Variants in LRRC8D observed in about 807,000 individuals in gnomAD.
The protein encoded by LRRC8D is leucine rich repeat containing 8 VRAC subunit D.
Under a neutral mutation model 55.8 loss-of-function variants are expected in LRRC8D, and 20 were observed. The observed-to-expected ratio is 0.36, with a 90% CI of 0.25 to 0.52. The LOEUF is 0.52. Ranked by LOEUF, LRRC8D falls within the 20% of genes least tolerant of loss-of-function variation. LRRC8D has a pLI of 0.93. For synonymous variants in LRRC8D, 352 were observed against 377.0 expected, an observed-to-expected ratio of 0.93 and a Z score of 0.77; for missense variants, 651 against 1,030.8, an observed-to-expected ratio of 0.63 and a Z score of 5.05.
Position 89,920,752 on chromosome 1 carries a change from C to G in LRRC8D, c.-2-12315C>G, listed in dbSNP as rs180918664. 1.2e-4 allele frequency among the ~76,000 whole-genome samples: 17 copies of G among 147,212 alleles called. 1 individual carries two copies. Among genetic ancestry groups the G allele is most frequent in the Admixed American group, 5.4e-4 (8 of 14,828 alleles). The stretch of plus-strand genomic sequence containing the variant: ...CCTTTTTCCCCTATTGCTTCTGAAG[C>G]ATTTTTTATTTTCTTTAACTGTATA... On this transcript the variant is annotated intron_variant, in intron 2 of 2. Coordinates refer to ENST00000337338, the MANE Select transcript of LRRC8D (RefSeq NM_001134479.2).
At chr1:89,874,861 T>A (rs1325178611) in intron 2 of LRRC8D, among the ~76,000 whole-genome samples, 1 of 152,244 alleles carries the variant, frequency 6.6e-6, no homozygotes, top group Non-Finnish European at 1.5e-5. Flanking sequence ...TGAGTGAGAA[T>A]GTTTATTCAT....
intron 1 of LRRC8D, among the ~76,000 whole-genome samples, chr1:89,823,243 G>A (rs1005505559): frequency 6.6e-6 from 1 of 152,080 alleles, no homozygotes; most frequent in Non-Finnish European, 1.5e-5. Flanking sequence ...AACACTTAAA[G>A]TATTGAGCCA....
intron 2 of LRRC8D, among the ~76,000 whole-genome samples, chr1:89,910,715 G>A (rs1312736975): frequency 6.6e-6 from 1 of 152,064 alleles, no homozygotes; most frequent in Non-Finnish European, 1.5e-5. Context: ...TTCAAAACCT[G>A]TTTTCTCTCA....
intron 2 of LRRC8D, among the ~76,000 whole-genome samples, chr1:89,874,193 G>A (rs2100830859): frequency 6.6e-6 from 1 of 152,256 alleles, no homozygotes; most frequent in East Asian, 1.9e-4. Flanking sequence ...ATCATAAAGG[G>A]AAAAACTAGG....
At chr1:89,857,332 A>G (rs911580229) in intron 2 of LRRC8D, among the ~76,000 whole-genome samples, 1 of 149,170 alleles carries the variant, frequency 6.7e-6, no homozygotes, top group Admixed American at 6.7e-5. Flanking sequence ...CGGTGAGCTG[A>G]GATCACACCA....
intron 2 of LRRC8D, among the ~76,000 whole-genome samples, chr1:89,892,495 A>G (rs1570864202): frequency 6.6e-6 from 1 of 152,066 alleles, no homozygotes; most frequent in East Asian, 1.9e-4. Flanking sequence ...TAAGGAATCT[A>G]CAGAACCGTC....
chr1:89,872,664 G>C (rs893845345), intron 2 of LRRC8D, among the ~76,000 whole-genome samples: 1 of 151,996 alleles, frequency 6.6e-6, no homozygotes, highest in Non-Finnish European at 1.5e-5. Flanking sequence ...CTTTGTTCTG[G>C]GTTCTCTCTG....
At chr1:89,870,896 G>A (rs1365804462) in intron 2 of LRRC8D, among the ~76,000 whole-genome samples, 1 of 152,180 alleles carries the variant, frequency 6.6e-6, no homozygotes. Context: ...AGCATTGTGG[G>A]CATTTTATTC....
At chr1:89,850,418 TCTTC>T (rs1661384057) in intron 2 of LRRC8D, among the ~76,000 whole-genome samples, 1 of 152,222 alleles carries the variant, frequency 6.6e-6, no homozygotes, top group Non-Finnish European at 1.5e-5. Context: ...TTCCTGATCC[TCTTC>T]CTTCTCCACT....
At chr1:89,899,012 G>C (rs1662782088) in intron 2 of LRRC8D, among the ~76,000 whole-genome samples, 1 of 152,152 alleles carries the variant, frequency 6.6e-6, no homozygotes, top group African/African-American at 2.4e-5. Flanking sequence ...TTCCAGTTGG[G>C]CTTTTCATCT....
chr1:89,917,119 A>G (rs1462967862), intron 2 of LRRC8D, among the ~76,000 whole-genome samples: 1 of 152,212 alleles, frequency 6.6e-6, no homozygotes, highest in African/African-American at 2.4e-5. Flanking sequence ...AATTAGCTCT[A>G]TAATAGAGAC....
chr1:89,894,282 C>A (rs1278752982), intron 2 of LRRC8D, among the ~76,000 whole-genome samples: 1 of 152,196 alleles, frequency 6.6e-6, no homozygotes, highest in Non-Finnish European at 1.5e-5. Flanking sequence ...ATTTAAGGCA[C>A]CCAGCCTGTG....
intron 2 of LRRC8D, among the ~76,000 whole-genome samples, chr1:89,932,168 A>G (rs1663719494): frequency 6.6e-6 from 1 of 152,180 alleles, no homozygotes; most frequent in South Asian, 2.1e-4. Context: ...CACATTTTCA[A>G]GTTTCCTGGC....
In LRRC8D at chr1:89,934,530, G is replaced by A; in HGVS notation, c.1462G>A (p.Asp488Asn). 3 of 1,614,156 alleles carry A rather than the reference G, an allele frequency of 1.9e-6. No individual in the cohort carries two copies. The highest frequency in any genetic ancestry group is 2.5e-6 in the Non-Finnish European group (3 of 1,180,032). ...GTCGGGGGTGCCCGATGCTGTCTTT[G>A]ACCTCACAGACCTGGATGTGCTAAA... ...MLSGVPDAVF[D>N]LTDLDVLKLE... The change falls in exon 3 of 3, where the codon GAC (aspartate) becomes AAC (asparagine). Residue 488 changes from aspartate (D) to asparagine (N), a missense_variant. Physicochemically the swap from Asp to Asn is conservative, Grantham distance 23. Transcript: ENST00000337338. This position sits in a 1 kb window ranked among gnomAD's most constrained non-coding sequence, Gnocchi z 5.9.
intron 1 of LRRC8D, among the ~76,000 whole-genome samples, chr1:89,830,787 T>A (rs1439981300): frequency 6.6e-6 from 1 of 152,222 alleles, no homozygotes; most frequent in Non-Finnish European, 1.5e-5. Context: ...TAGAACTTCC[T>A]GTAAACCAAA....
intron 2 of LRRC8D, among the ~76,000 whole-genome samples, chr1:89,917,177 A>C (rs1472697686): frequency 6.6e-6 from 1 of 152,210 alleles, no homozygotes; most frequent in Non-Finnish European, 1.5e-5. Flanking sequence ...ATATCTTTAT[A>C]CAGGTGCAAA....
In LRRC8D at chr1:89,935,319, C is replaced by A. The variant is rs905798399; in HGVS notation, c.2251C>A (p.Leu751Ile). 7 of 1,614,082 alleles carry A rather than the reference C, an allele frequency of 4.3e-6. No individual in the cohort carries two copies. In the African/African-American group the frequency reaches 8.0e-5, roughly 18 times the overall value. ...ISMIPIEIGLLQNLQHLHITG... is the reference protein window; with the variant it reads ...ISMIPIEIGLIQNLQHLHITG... The stretch of plus-strand genomic sequence containing the variant: ...AATGATTCCAATAGAAATAGGATTG[C>A]TTCAGAACCTGCAGCATTTGCATAT... The change falls in exon 3 of 3, where the codon CTT (leucine) becomes ATT (isoleucine). Residue 751 changes from leucine (L) to isoleucine (I), a missense_variant. Leu to Ile is a conservative substitution (Grantham distance 5). This residue lies in a region of LRRC8D where 338 missense variants were observed against 479.4 expected (regional missense o/e 0.71). Coordinates refer to ENST00000337338, the MANE Select transcript of LRRC8D (RefSeq NM_001134479.2).
chr1:89,883,198 A>G (rs1162194139), intron 2 of LRRC8D, among the ~76,000 whole-genome samples: 3 of 151,836 alleles, frequency 2.0e-5, no homozygotes, highest in East Asian at 1.9e-4. Context: ...TGAGACCCCC[A>G]TCCCTCAAAA....
At chr1:89,873,206 C>G (rs906249048) in intron 2 of LRRC8D, among the ~76,000 whole-genome samples, 1 of 152,158 alleles carries the variant, frequency 6.6e-6, no homozygotes, top group African/African-American at 2.4e-5. Flanking sequence ...TTGACCCCCT[C>G]CCCTGTAACT....
Sources: allele counts gnomAD v4.1 joint callset (sites outside exome capture counted in the v4.1 genomes callset), GRCh38; gene constraint gnomAD v4.1.1; regional missense constraint gnomAD v4.1.1; non-coding constraint Gnocchi (gnomAD v3.1); transcripts MANE v1.5; gene names NCBI Gene and HGNC (gene_info 2026-07-23, HGNC 2026-07-21).